Variants in USP43 observed in about 807,000 individuals in gnomAD.
USP43 encodes ubiquitin specific peptidase 43.
In USP43, 33 loss-of-function variants were observed where a neutral mutation model predicts 90.7. That is an observed-to-expected ratio of 0.36 (90% confidence interval 0.28 to 0.49). The LOEUF is 0.49. Among genes scored for constraint, USP43 ranks in the 20% least tolerant of loss-of-function variants. The probability of loss-of-function intolerance (pLI) is 0.98; values close to 1 mark genes in which losing one functional copy is unlikely to be tolerated. For missense variants in USP43, 1,274 were observed against 1,476.4 expected (o/e 0.86, Z 2.25); for synonymous variants, 598 against 615.8 (o/e 0.97, Z 0.43).
At chr17:9,667,267 C>T (rs894763949) in intron 3 of USP43, among the ~76,000 whole-genome samples, 7 of 151,880 alleles carry the variant, frequency 4.6e-5, no homozygotes, top group Non-Finnish European at 7.4e-5. Flanking sequence ...CCCAGCTACT[C>T]GGGAGGCTGA....
intron 14 of USP43, among the ~76,000 whole-genome samples, chr17:9,720,056 G>C (rs899568166): frequency 6.6e-6 from 1 of 150,640 alleles, no homozygotes; most frequent in Non-Finnish European, 1.5e-5. Context: ...GACAGAGTGA[G>C]ACCCTGTCTC....
At chr17:9,689,594 T>G (rs577736763) in intron 8 of USP43, among the ~76,000 whole-genome samples, 6 of 151,964 alleles carry the variant, frequency 3.9e-5, no homozygotes, top group Non-Finnish European at 8.8e-5. Flanking sequence ...TTAATTTTTT[T>G]GCAGTGATAG....
chr17:9,720,779 C>T (rs889202006), intron 14 of USP43, among the ~76,000 whole-genome samples: 7 of 152,184 alleles, frequency 4.6e-5, no homozygotes, highest in Admixed American at 2.6e-4. Context: ...TGAGCCACCA[C>T]GCCCAGCCGG....
At chr17:9,699,410 G>C (rs1017417148) in intron 9 of USP43, among the ~76,000 whole-genome samples, 3 of 152,226 alleles carry the variant, frequency 2.0e-5, no homozygotes, top group African/African-American at 4.8e-5. Flanking sequence ...TCCATGCTCA[G>C]CCACAGGACT....
intron 8 of USP43, among the ~76,000 whole-genome samples, chr17:9,691,375 C>A (rs948244583): frequency 6.6e-6 from 1 of 152,150 alleles, no homozygotes; most frequent in Non-Finnish European, 1.5e-5. Context: ...GCCTCAGCCT[C>A]CCAGAGTGCT....
chr17:9,715,783 GTCTC>G (rs1350017883), intron 14 of USP43, among the ~76,000 whole-genome samples: 1 of 150,030 alleles, frequency 6.7e-6, no homozygotes, highest in Non-Finnish European at 1.5e-5. Flanking sequence ...CTATGTGTGT[GTCTC>G]TGTGTGTGTG....
At chr17:9,695,432 C>T (rs369742059) in intron 9 of USP43, among the ~76,000 whole-genome samples, 1 of 152,094 alleles carries the variant, frequency 6.6e-6, no homozygotes, top group African/African-American at 2.4e-5. Flanking sequence ...CTCCTGGGTT[C>T]AAGCAATTCT....
At chr17:9,654,666 AG>A (rs1912111067) in intron 1 of USP43, among the ~76,000 whole-genome samples, 1 of 150,614 alleles carries the variant, frequency 6.6e-6, no homozygotes. Flanking sequence ...AAAAAAAAAA[AG>A]ACTCAGAACC....
chr17:9,668,130 T>G (rs1913167387), intron 3 of USP43, among the ~76,000 whole-genome samples: 1 of 152,352 alleles, frequency 6.6e-6, no homozygotes, highest in South Asian at 2.1e-4. Context: ...GTTTTTTGTA[T>G]TTTTCTTCTG....
At chr17:9,710,365 G>A (rs1916115640) in intron 13 of USP43, among the ~76,000 whole-genome samples, 1 of 152,130 alleles carries the variant, frequency 6.6e-6, no homozygotes, top group Non-Finnish European at 1.5e-5. Context: ...ATGCTTGGCA[G>A]TGTGGTATTC....
intron 12 of USP43, among the ~76,000 whole-genome samples, chr17:9,704,138 T>C (rs896961223): frequency 9.2e-5 from 14 of 152,196 alleles, no homozygotes; most frequent in African/African-American, 2.9e-4. Context: ...GGATAGGATA[T>C]ATTTTTCTCT....
rs758125227 is a variant in USP43, at chr17:9,728,809, G to A, written c.3191G>A (p.Trp1064Ter). 1.1e-5 allele frequency: 17 copies of A among 1,612,932 alleles called. No homozygotes were observed. The highest frequency in any genetic ancestry group is 1.1e-5 in the Non-Finnish European group (13 of 1,179,436). ...GGCAGCCGGCTCGAGAGGGATGTCT[G>A]GTCAGCCCCCAGCTCTCTCCGCCTC... ...GLGSRLERDV[W>*]SAPSSLRLPR... The change falls in exon 15 of 15, where the codon TGG becomes TAG. Residue 1064 changes from tryptophan (W) to a stop codon, truncating the protein, a stop_gained. Coordinates refer to ENST00000285199, the MANE Select transcript of USP43 (RefSeq NM_153210.5). LOFTEE classifies it low-confidence loss of function (END_TRUNC). The surrounding 1 kb of genome is among the most constrained non-coding windows in gnomAD (Gnocchi z 6.2).
chr17:9,689,559 C>T (rs938133328), intron 8 of USP43, among the ~76,000 whole-genome samples: 11 of 152,112 alleles, frequency 7.2e-5, no homozygotes, highest in Admixed American at 1.3e-4. Context: ...CTACAAGCAC[C>T]TGCCATCATG....
At chr17:9,677,881 C>T (rs1913892273) in intron 5 of USP43, among the ~76,000 whole-genome samples, 1 of 152,214 alleles carries the variant, frequency 6.6e-6, no homozygotes, top group Non-Finnish European at 1.5e-5. Context: ...TCCACGCTTC[C>T]TGAGCCTCCC....
At chr17:9,654,454 A>G (rs2151962699) in intron 1 of USP43, among the ~76,000 whole-genome samples, 1 of 152,192 alleles carries the variant, frequency 6.6e-6, no homozygotes, top group Admixed American at 6.5e-5. Context: ...GTTCGAGATC[A>G]GCCTGGACAA....
At chr17:9,671,059 G>A (rs1913386517) in intron 3 of USP43, among the ~76,000 whole-genome samples, 1 of 152,164 alleles carries the variant, frequency 6.6e-6, no homozygotes, top group Non-Finnish European at 1.5e-5. Flanking sequence ...GTTATTATGG[G>A]TTAATTCAGA....
At chr17:9,691,869 G>T (rs954471986) in intron 8 of USP43, among the ~76,000 whole-genome samples, 1 of 150,430 alleles carries the variant, frequency 6.6e-6, no homozygotes, top group African/African-American at 2.4e-5. Flanking sequence ...GTGAAACCCC[G>T]TCTTTACTAA....
chr17:9,696,707 C>G, intron 9 of USP43, among the ~76,000 whole-genome samples: 1 of 152,224 alleles, frequency 6.6e-6, no homozygotes, highest in Non-Finnish European at 1.5e-5. Context: ...TTCTAATCTA[C>G]GTGTTATAAA....
intron 9 of USP43, among the ~76,000 whole-genome samples, chr17:9,693,780 G>A (rs1388775056): frequency 1.3e-5 from 2 of 152,190 alleles, no homozygotes; most frequent in East Asian, 1.9e-4. Flanking sequence ...GGAGGTTGCC[G>A]TGAGCCGAGA....
Sources: gnomAD v4.1 joint callset for allele counts (sites outside exome capture counted in the v4.1 genomes callset) on GRCh38, gnomAD v4.1.1 for gene constraint, Gnocchi (gnomAD v3.1) non-coding constraint, MANE v1.5 for transcripts, NCBI Gene and HGNC (gene_info 2026-07-23, HGNC 2026-07-21) for gene names.